DENND2B: variants seen among roughly 807,000 people sequenced by gnomAD.
DENND2B encodes DENN domain-containing protein 2B.
In DENND2B, 32 loss-of-function variants were observed where a neutral mutation model predicts 116.0. The ratio of observed to expected loss-of-function variants is 0.28; its 90% CI spans 0.21 to 0.37. DENND2B has a LOEUF of 0.37. Ranked by LOEUF, DENND2B falls within the 10% of genes least tolerant of loss-of-function variation. The pLI is 1.00. For missense variants in DENND2B, 1,276 were observed against 1,477.7 expected (o/e 0.86, Z 2.24); for synonymous variants, 588 against 583.9 (o/e 1.01, Z -0.10).
chr11:8,740,300 C>CT (rs1322643027), intron 2 of DENND2B, among the ~76,000 whole-genome samples: 1 of 152,206 alleles, frequency 6.6e-6, no homozygotes, highest in East Asian at 1.9e-4. Context: ...AATATTCCCT[C>CT]TGGCACTGTC....
At chr11:8,908,365 T>C (rs2064265832) in intron 1 of DENND2B, among the ~76,000 whole-genome samples, 1 of 152,204 alleles carries the variant, frequency 6.6e-6, no homozygotes, top group African/African-American at 2.4e-5. Context: ...GAGGTGTGGC[T>C]ATGATACTGG....
intron 3 of DENND2B, among the ~76,000 whole-genome samples, chr11:8,728,005 ACACG>A (rs1240415514): frequency 2.1e-4 from 20 of 96,434 alleles, no homozygotes; most frequent in African/African-American, 7.6e-4. Flanking sequence ...ACACACACAC[ACACG>A]CAAATTTTTT....
chr11:8,821,888 C>G (rs1051662172), intron 4 of DENND2B, among the ~76,000 whole-genome samples: 1 of 152,254 alleles, frequency 6.6e-6, no homozygotes, highest in East Asian at 1.9e-4. Context: ...GCCTCCCAGG[C>G]TCAAGCAATT....
intron 18 of DENND2B, chr11:8,695,926 C>T (rs756286647): frequency 5.1e-5 from 14 of 273,844 alleles, no homozygotes; most frequent in Non-Finnish European, 8.9e-5. Flanking sequence ...GAAGTACTAA[C>T]CCTGAGGTTA....
At chr11:8,727,329 C>A (rs1171390758) in intron 3 of DENND2B, among the ~76,000 whole-genome samples, 2 of 152,194 alleles carry the variant, frequency 1.3e-5, no homozygotes, top group Non-Finnish European at 2.9e-5. Context: ...CTGAAGGCTA[C>A]AGCTTGTTCT....
intron 19 of DENND2B, among the ~76,000 whole-genome samples, chr11:8,695,015 T>C (rs914952038): frequency 6.6e-6 from 1 of 152,132 alleles, no homozygotes; most frequent in African/African-American, 2.4e-5. Context: ...TGAGCTAGGA[T>C]TGCACCACTG....
intron 13 of DENND2B, among the ~76,000 whole-genome samples, chr11:8,706,164 G>C (rs1592449491): frequency 6.6e-6 from 1 of 152,224 alleles, no homozygotes; most frequent in Admixed American, 6.5e-5. Flanking sequence ...AGGATCGCTT[G>C]AGCCCGGGAG....
At chr11:8,824,308 G>A (rs1451082427) in intron 4 of DENND2B, among the ~76,000 whole-genome samples, 1 of 151,922 alleles carries the variant, frequency 6.6e-6, no homozygotes, top group Admixed American at 6.6e-5. Flanking sequence ...CAGGTATTAA[G>A]CCTAGTACTC....
chr11:8,712,864 G>A lies in DENND2B; in HGVS notation c.1988-129C>T, dbSNP rs1315374590. ...TGAGCCTAGTCTGATACCATCCCCA[G>A]CTCACAGTGCAGGAGGACCGGCAGG... On this transcript the variant is annotated intron_variant, in intron 8 of 19. Coordinates refer to ENST00000313726, the MANE Select transcript of DENND2B (RefSeq NM_213618.2). The surrounding 1 kb of genome is among the most constrained non-coding windows in gnomAD (Gnocchi z 4.4). 4.1e-6 allele frequency: 4 copies of A among 969,548 alleles called. No homozygotes were observed. Among genetic ancestry groups the A allele is most frequent in the Non-Finnish European group, 5.9e-6 (4 of 674,714 alleles). 60.1% of individuals were successfully genotyped at this position (969,548 alleles called of 1,614,324 possible).
At chr11:8,795,257 A>G (rs1274404849) in intron 1 of DENND2B, among the ~76,000 whole-genome samples, 1 of 152,196 alleles carries the variant, frequency 6.6e-6, no homozygotes, top group Non-Finnish European at 1.5e-5. Context: ...TAAGCCACCT[A>G]AGAACATCTA....
intron 14 of DENND2B, chr11:8,699,927 G>A: frequency 2.2e-6 from 1 of 456,302 alleles, no homozygotes; most frequent in Non-Finnish European, 4.4e-6. Context: ...ACCCCAGATT[G>A]GCAGAACTTG....
chr11:8,735,275 G>A (rs1332669301), intron 2 of DENND2B, among the ~76,000 whole-genome samples: 2 of 152,146 alleles, frequency 1.3e-5, no homozygotes, highest in African/African-American at 2.4e-5. Flanking sequence ...TTTAGAGGAC[G>A]AGAGGTCCCA....
At chr11:8,811,061 G>A (rs1472539856), upstream of DENND2B, 7 of 380,766 alleles carry the variant, frequency 1.8e-5, no homozygotes, top group Non-Finnish European at 2.8e-5. Context: ...ATCCCTGCCA[G>A]GGGGGAGGGA....
At position 8,763,670 on chromosome 11, in the gene DENND2B, CA is replaced by C. The variant is rs201343056; in HGVS notation, c.-25-12946del. 2.7e-5 allele frequency among the ~76,000 whole-genome samples: 4 copies of C among 149,298 alleles called. No homozygotes were observed. The East Asian group carries it at 7.8e-4, about 29-fold the overall frequency. On this transcript the variant is annotated intron_variant, in intron 1 of 19. Coordinates refer to ENST00000313726, the MANE Select transcript of DENND2B (RefSeq NM_213618.2). Reference sequence around the variant, plus strand: ...CCTATTTATAGAAAACAATAAAACCCAAAAATAAATCAATGCTATTAGAAGT... The same window carrying C: ...CCTATTTATAGAAAACAATAAAACCCAAAATAAATCAATGCTATTAGAAGT...
intron 11 of DENND2B, chr11:8,708,109 T>G: frequency 2.1e-6 from 3 of 1,406,182 alleles, no homozygotes; most frequent in East Asian, 2.9e-5. Flanking sequence ...GGCTCCACCC[T>G]TCCTCCCAGG....
At chr11:8,861,489 C>T (rs1251450482) in intron 2 of DENND2B, among the ~76,000 whole-genome samples, 6 of 152,166 alleles carry the variant, frequency 3.9e-5, no homozygotes, top group African/African-American at 1.4e-4. Flanking sequence ...AATACTCTAC[C>T]TTACTCCAGC....
chr11:8,828,649 C>T lies in DENND2B; in HGVS notation c.-115+10661G>A, dbSNP rs185421366. ...ACTCTTTTAATAGGAAACAAGGACT[C>T]GGAGGTGACCAGCTGCAGAGGTGAG... On this transcript the variant is annotated intron_variant, in intron 4 of 6. Transcript: ENST00000524757. Among the ~76,000 whole-genome samples, 63 of 152,176 alleles carry T rather than the reference C, an allele frequency of 4.1e-4. 1 individual carries two copies. The highest frequency in any genetic ancestry group is 3.6e-3 in the Admixed American group (55 of 15,278).
At chr11:8,804,419 G>A (rs11042077) in intron 1 of DENND2B, among the ~76,000 whole-genome samples, 94,035 of 151,996 alleles carry the variant, frequency 0.62, 29,206 homozygotes, top group East Asian at 0.72. Flanking sequence ...AGCTTTGAGA[G>A]GTGGGGAGGA....
chr11:8,706,875 G>C (rs556009403), intron 13 of DENND2B, among the ~76,000 whole-genome samples: 1 of 152,318 alleles, frequency 6.6e-6, no homozygotes, highest in South Asian at 2.1e-4. Context: ...GTCCAAATGG[G>C]TCAGGGAAGG....
Sources: allele counts gnomAD v4.1 joint callset (sites outside exome capture counted in the v4.1 genomes callset), GRCh38; gene constraint gnomAD v4.1.1; non-coding constraint Gnocchi (gnomAD v3.1); transcripts MANE v1.5; gene names NCBI Gene and HGNC (gene_info 2026-07-23, HGNC 2026-07-21).